NBAS: variants seen among roughly 807,000 people sequenced by gnomAD.
The protein encoded by NBAS is NAG/BC035112 fusion.
NBAS carries 219 observed loss-of-function variants against 302.5 expected under a neutral mutation model. The ratio of observed to expected loss-of-function variants is 0.72; its 90% CI spans 0.65 to 0.81. NBAS has a LOEUF of 0.81. Ranked by LOEUF, NBAS falls within the 30% of genes least tolerant of loss-of-function variation. The pLI is 0.00. For synonymous variants in NBAS, 1,118 were observed against 1,021.6 expected (o/e 1.09, Z -1.80); for missense variants, 2,932 against 2,841.6 (o/e 1.03, Z -0.72).
the NBAS span, among the ~76,000 whole-genome samples, chr2:14,940,238 G>T: frequency 8.5e-5 from 13 of 152,244 alleles, no homozygotes; most frequent in African/African-American, 2.4e-4. Flanking sequence ...GAAACTCCTT[G>T]CCTTAGAGAC....
Position 15,179,074 on chromosome 2 carries a change from G to C in NBAS, c.6754C>G (p.Leu2252Val). The change falls in exon 51 of 52, where the codon CTG becomes GTG. Residue 2252 changes from leucine (L) to valine (V), a missense_variant. Coordinates refer to ENST00000281513, the MANE Select transcript of NBAS (RefSeq NM_015909.4). ...AGGAGAAGTTTCAGAGATGGAAGCA[G>C]GAGGGACTGGTTAAGCAGCAGCAGA... ...LCLLLLNQSL[L>V]LPSLKLLLES... 4 of 1,614,192 alleles carry C rather than the reference G, an allele frequency of 2.5e-6. No homozygotes were observed. Among genetic ancestry groups the C allele is most frequent in the Non-Finnish European group, 2.5e-6 (3 of 1,180,036 alleles).
At chr2:15,534,043 A>G (rs920882370) in intron 9 of NBAS, among the ~76,000 whole-genome samples, 3 of 152,188 alleles carry the variant, frequency 2.0e-5, no homozygotes, top group Admixed American at 2.0e-4. Context: ...AGAAAATGCC[A>G]TAAGGTTTCT....
chr2:15,061,620 C>T, the NBAS span, among the ~76,000 whole-genome samples: 2 of 152,134 alleles, frequency 1.3e-5, no homozygotes, highest in Admixed American at 6.5e-5. Context: ...CCAGTCCTGC[C>T]CCTGAGAGAA....
intron 9 of NBAS, among the ~76,000 whole-genome samples, chr2:15,533,857 T>C (rs1663352054): frequency 6.6e-6 from 1 of 151,964 alleles, no homozygotes; most frequent in Non-Finnish European, 1.5e-5. Flanking sequence ...AGTTAAGGAC[T>C]TGTCAATAAA....
the NBAS span, among the ~76,000 whole-genome samples, chr2:14,862,411 C>G: frequency 6.6e-6 from 1 of 152,062 alleles, no homozygotes; most frequent in Non-Finnish European, 1.5e-5. Flanking sequence ...GCCACTGCGC[C>G]CGGCCTATTT....
intron 6 of NBAS, among the ~76,000 whole-genome samples, chr2:15,543,752 G>A (rs1055986013): frequency 6.6e-6 from 1 of 152,242 alleles, no homozygotes; most frequent in African/African-American, 2.4e-5. Flanking sequence ...TCTCCTACTG[G>A]GTCCCTCCCG....
At chr2:15,088,638 A>T in the NBAS span, among the ~76,000 whole-genome samples, 1 of 152,198 alleles carries the variant, frequency 6.6e-6, no homozygotes, top group Non-Finnish European at 1.5e-5. Context: ...GGACCCAGCG[A>T]TTTCCTCTGT....
the NBAS span, among the ~76,000 whole-genome samples, chr2:14,798,580 C>A: frequency 6.6e-6 from 1 of 152,108 alleles, no homozygotes; most frequent in Non-Finnish European, 1.5e-5. Flanking sequence ...CAGACCAATG[C>A]TGGCCTTACA....
At chr2:14,920,344 C>G in the NBAS span, among the ~76,000 whole-genome samples, 1 of 152,016 alleles carries the variant, frequency 6.6e-6, no homozygotes. Flanking sequence ...GATTTGTTGC[C>G]CCATTTAAAG....
chr2:15,029,434 A>T, the NBAS span, among the ~76,000 whole-genome samples: 2 of 152,230 alleles, frequency 1.3e-5, no homozygotes, highest in Admixed American at 1.3e-4. Context: ...GAAGCTTGTT[A>T]GTAACAAAAG....
At chr2:15,229,616 T>C (rs1244144979) in intron 47 of NBAS, among the ~76,000 whole-genome samples, 1 of 151,584 alleles carries the variant, frequency 6.6e-6, no homozygotes, top group East Asian at 1.9e-4. Context: ...ACCCCATCTC[T>C]ACTAAGAATA....
chr2:15,514,775 T>A (rs1662309944), intron 9 of NBAS, among the ~76,000 whole-genome samples: 1 of 152,162 alleles, frequency 6.6e-6, no homozygotes, highest in Admixed American at 6.5e-5. Context: ...GTTACAGACC[T>A]AAGTGATAAT....
At chr2:15,140,543 G>A in the NBAS span, among the ~76,000 whole-genome samples, 4 of 152,180 alleles carry the variant, frequency 2.6e-5, no homozygotes, top group African/African-American at 4.8e-5. Context: ...GCTTCACAGA[G>A]GTTTGTTCAG....
chr2:15,264,496 G>A (rs564472852), intron 44 of NBAS, among the ~76,000 whole-genome samples: 28 of 152,156 alleles, frequency 1.8e-4, no homozygotes, highest in African/African-American at 6.0e-4. Flanking sequence ...GATTACCTTC[G>A]CCAATGTGAA....
chr2:15,045,051 G>A, the NBAS span, among the ~76,000 whole-genome samples: 1 of 152,192 alleles, frequency 6.6e-6, no homozygotes, highest in Non-Finnish European at 1.5e-5. Context: ...AGCAAAGACT[G>A]ATCAATTTCT....
chr2:15,070,613 T>C, the NBAS span, among the ~76,000 whole-genome samples: 1 of 152,076 alleles, frequency 6.6e-6, no homozygotes, highest in Non-Finnish European at 1.5e-5. Context: ...GCAACACTCA[T>C]TCCCTTCCAT....
intron 35 of NBAS, among the ~76,000 whole-genome samples, chr2:15,336,691 A>C (rs779820488): frequency 6.6e-6 from 1 of 152,122 alleles, no homozygotes; most frequent in Non-Finnish European, 1.5e-5. Context: ...GGTCACGCCA[A>C]TGCACTCGAG....
intron 47 of NBAS, among the ~76,000 whole-genome samples, chr2:15,222,931 T>C (rs929621433): frequency 5.9e-5 from 9 of 152,368 alleles, no homozygotes; most frequent in African/African-American, 1.9e-4. Context: ...GCTAATAACA[T>C]TTGACATTTT....
At position 15,485,586 on chromosome 2, in the gene NBAS, CTCAAT is replaced by C. The variant is rs200239273; in HGVS notation, c.1083+3303_1083+3307del. ...TGTTGCACAACCATAGGACAAAGTG[CTCAAT>C]AAATAATAAATGTAGTTAGGGTAAA... On this transcript the variant is annotated intron_variant, in intron 12 of 51. Transcript: ENST00000281513. Among the ~76,000 whole-genome samples the C allele has an allele frequency of 1.5e-3, 228 of 152,318 alleles. 3 individuals are homozygous for C. The East Asian group carries it at 0.042, about 28-fold the overall frequency.
Sources: gnomAD v4.1 joint callset for allele counts (sites outside exome capture counted in the v4.1 genomes callset) on GRCh38, gnomAD v4.1.1 for gene constraint, MANE v1.5 for transcripts, NCBI Gene and HGNC (gene_info 2026-07-23, HGNC 2026-07-21) for gene names.